Variants in ZNF541 observed in about 807,000 individuals in gnomAD.
ZNF541 encodes zinc finger protein 541.
ZNF541 carries 23 observed loss-of-function variants against 123.5 expected under a neutral mutation model. The ratio of observed to expected loss-of-function variants is 0.19; its 90% CI spans 0.13 to 0.26. ZNF541 has a LOEUF of 0.26. Ranked by LOEUF, ZNF541 falls within the 10% of genes least tolerant of loss-of-function variation. The pLI, the probability that ZNF541 is intolerant of heterozygous loss-of-function variation, is 1.00. For missense variants in ZNF541, 1,612 were observed against 1,789.9 expected, an observed-to-expected ratio of 0.90 and a Z score of 1.79; for synonymous variants, 751 against 754.5, an observed-to-expected ratio of 1.00 and a Z score of 0.08.
chr19:47,566,052 C>T (rs1971249763), intron 2 of ZNF541, among the ~76,000 whole-genome samples: 1 of 152,072 alleles, frequency 6.6e-6, no homozygotes, highest in African/African-American at 2.4e-5. Context: ...TGGTGGGTGC[C>T]TGTAACCCCA....
Position 47,544,964 on chromosome 19 carries a change from T to C in ZNF541, c.1565A>G (p.Gln522Arg). 2 of 1,533,646 alleles carry C rather than the reference T, an allele frequency of 1.3e-6. No individual in the cohort carries two copies. The highest frequency in any genetic ancestry group is 1.7e-6 in the Non-Finnish European group (2 of 1,145,944). Residue 522 changes from glutamine (Q) to arginine (R), a missense_variant, in exon 5 of 17, where the codon CAG (glutamine) becomes CGG (arginine). By Grantham distance (43) the Gln-to-Arg change is conservative. This residue lies in a region of ZNF541 where 1,080 missense variants were observed against 1,013.8 expected (regional missense o/e 1.07). Transcript: ENST00000391901. ...GAGCCCGCCTGCCTTCTGGGCCTCC[T>C]GGAGGCCGGGCTCCCCGGGGTTCTG... ...LCQNPGEPGL[Q>R]EAQKAGGLPA...
chr19:47,548,442 C>CAAAAAAAA (rs574466068), intron 4 of ZNF541, among the ~76,000 whole-genome samples: 3 of 60,356 alleles, frequency 5.0e-5, no homozygotes, highest in Non-Finnish European at 4.2e-5. Flanking sequence ...GACTCCATCT[C>CAAAAAAAA]AAAAAAAAAA....
intron 12 of ZNF541, among the ~76,000 whole-genome samples, chr19:47,530,335 A>AT (rs10586987): frequency 0.04 from 5,262 of 131,824 alleles, 137 homozygotes; most frequent in Non-Finnish European, 0.058. Context: ...CTCCCTGCTA[A>AT]TTTTTTTTTT....
At chr19:47,551,188 TGC>T (rs1568509254) in intron 3 of ZNF541, among the ~76,000 whole-genome samples, 12 of 151,990 alleles carry the variant, frequency 7.9e-5, no homozygotes, top group African/African-American at 2.9e-4. Flanking sequence ...TACAGGTACC[TGC>T]CACCATGTCC....
At chr19:47,528,031 T>C (rs1242220061) in intron 14 of ZNF541, among the ~76,000 whole-genome samples, 2 of 127,590 alleles carry the variant, frequency 1.6e-5, no homozygotes, top group Non-Finnish European at 3.3e-5. Context: ...GACAGAGTCC[T>C]GGGCCGGGCG....
chr19:47,538,319 G>A lies in ZNF541; in HGVS notation c.2917C>T (p.Arg973Cys), dbSNP rs780123259. Reference protein sequence around the residue: ...EPGPAGCHQSRLRSPMFLVDC... With the variant: ...EPGPAGCHQSCLRSPMFLVDC... ...ACCAGGAACATGGGTGACCGCAGGC[G>A]GCTCTGGTGGCATCCTGCAGGGCCA... The change falls in exon 9 of 17, where the codon CGC becomes TGC. Residue 973 changes from arginine to cysteine, a missense_variant. This residue lies in a region of ZNF541 where 285 missense variants were observed against 407.3 expected (regional missense o/e 0.70). Coordinates refer to ENST00000391901, the MANE Select transcript of ZNF541 (RefSeq NM_001277075.3). The A allele has an allele frequency of 1.4e-5, 22 of 1,543,618 alleles. No individual in the cohort carries two copies. The highest frequency in any genetic ancestry group is 7.2e-5 in the South Asian group (6 of 83,064).
chr19:47,573,251 A>T (rs545666244), upstream of ZNF541, among the ~76,000 whole-genome samples: 1 of 151,416 alleles, frequency 6.6e-6, no homozygotes, highest in African/African-American at 2.4e-5. Flanking sequence ...GGGCCGCCTC[A>T]CGCCTCCCAG....
At chr19:47,530,872 A>G (rs1286907097) in intron 12 of ZNF541, among the ~76,000 whole-genome samples, 2 of 151,732 alleles carry the variant, frequency 1.3e-5, no homozygotes, top group Non-Finnish European at 2.9e-5. Flanking sequence ...GCTGGTCTCG[A>G]ACTCCTGAGC....
At chr19:47,529,481 G>A in intron 13 of ZNF541, 96 bp downstream of exon 13, 1 of 1,287,490 alleles carries the variant, frequency 7.8e-7, no homozygotes. Context: ...GTCCCGAGGA[G>A]AACTCCAGGA....
At chr19:47,571,620 A>G (rs1160692547) in intron 2 of ZNF541, among the ~76,000 whole-genome samples, 1 of 152,182 alleles carries the variant, frequency 6.6e-6, no homozygotes, top group Non-Finnish European at 1.5e-5. Context: ...CCTTACCTGT[A>G]AGTATCTGAG....
chr19:47,538,596 C>G (rs1969936491), intron 8 of ZNF541, 157 bp from the exon 9 acceptor site: 1 of 691,514 alleles, frequency 1.4e-6, no homozygotes, highest in African/African-American at 1.8e-5. Context: ...TGAGCCAGAC[C>G]TGACGTACTG....
intron 5 of ZNF541, among the ~76,000 whole-genome samples, chr19:47,541,305 C>A (rs1056573852): frequency 6.6e-5 from 10 of 151,904 alleles, no homozygotes; most frequent in African/African-American, 2.2e-4. Flanking sequence ...GAGGTCCCAG[C>A]GACTCAGGAG....
chr19:47,567,004 T>C (rs1214071557), intron 2 of ZNF541, among the ~76,000 whole-genome samples: 1 of 151,616 alleles, frequency 6.6e-6, no homozygotes, highest in African/African-American at 2.4e-5. Flanking sequence ...TGAGCCAAGA[T>C]CAGGCCGCTG....
intron 10 of ZNF541, 114 bp from the exon 11 acceptor site, chr19:47,532,384 C>A: frequency 8.1e-7 from 1 of 1,240,916 alleles, no homozygotes; most frequent in Non-Finnish European, 1.1e-6. Context: ...TCCATGGAAA[C>A]CCTCTGCTGT....
Position 47,545,158 on chromosome 19 carries a change from C to A in ZNF541, c.1371G>T (p.Ser457=). 2 of 1,494,888 alleles carry A rather than the reference C, an allele frequency of 1.3e-6. No homozygotes were observed. Among genetic ancestry groups the A allele is most frequent in the Non-Finnish European group, 1.8e-6 (2 of 1,121,482 alleles). 92.6% of individuals were successfully genotyped at this position (1,494,888 alleles called of 1,614,324 possible). A position where few individuals can be genotyped will look rare whatever the true frequency, so the allele number is the denominator to read the frequency against. The part of the protein sequence containing the change: ...SGPGPSSGSP[S]EESPPGPGGG... ...CGCCGGGGCCGGGCGGGGACTCCTC[C>A]GAGGGGCTTCCGCTGCTGGGTCCCG... Residue 457 remains serine (S), a synonymous_variant, in exon 5 of 17, where the codon TCG becomes TCT. Coordinates refer to ENST00000391901, the MANE Select transcript of ZNF541 (RefSeq NM_001277075.3). The surrounding 1 kb of genome is among the most constrained non-coding windows in gnomAD (Gnocchi z 7.5).
chr19:47,549,744 C>T (rs1488780718), intron 3 of ZNF541, among the ~76,000 whole-genome samples: 1 of 152,156 alleles, frequency 6.6e-6, no homozygotes, highest in Non-Finnish European at 1.5e-5. Flanking sequence ...CCACAATGGG[C>T]TGGGCTTTAT....
intron 2 of ZNF541, among the ~76,000 whole-genome samples, chr19:47,566,059 C>T (rs1016393386): frequency 6.6e-6 from 1 of 151,966 alleles, no homozygotes; most frequent in African/African-American, 2.4e-5. Context: ...TGCCTGTAAC[C>T]CCAGCTACTC....
intron 5 of ZNF541, among the ~76,000 whole-genome samples, chr19:47,542,648 C>T (rs111589672): frequency 0.14 from 20,372 of 150,232 alleles, 2,561 homozygotes; most frequent in African/African-American, 0.34. Context: ...TGAGAGACTC[C>T]GTCTCAAAAA....
intron 1 of ZNF541, among the ~76,000 whole-genome samples, chr19:47,572,820 G>A (rs966482849): frequency 4.6e-5 from 7 of 151,922 alleles, no homozygotes; most frequent in Non-Finnish European, 2.9e-5. Context: ...ATCCTGAGGA[G>A]GGTCTTCTCC....
Sources: gnomAD v4.1 joint callset for allele counts (sites outside exome capture counted in the v4.1 genomes callset) on GRCh38, gnomAD v4.1.1 for gene constraint, gnomAD v4.1.1 regional missense constraint, Gnocchi (gnomAD v3.1) non-coding constraint, MANE v1.5 for transcripts, NCBI Gene and HGNC (gene_info 2026-07-23, HGNC 2026-07-21) for gene names.